HMGA2: variants seen among roughly 807,000 people sequenced by gnomAD.
HMGA2 encodes high mobility group protein HMGI-C.
In HMGA2, 8 loss-of-function variants were observed where a neutral mutation model predicts 19.1. The observed-to-expected ratio is 0.42, with a 90% CI of 0.25 to 0.76. The LOEUF is 0.76. HMGA2 is among the 30% of genes least tolerant of loss of function. The probability of loss-of-function intolerance (pLI) is 0.28; values close to 1 mark genes in which losing one functional copy is unlikely to be tolerated. For missense variants in HMGA2, 109 were observed against 136.3 expected (o/e 0.80, Z 1.00); for synonymous variants, 60 against 48.8 (o/e 1.23, Z -0.96).
At chr12:65,942,234 A>G (rs2121293828) in intron 3 of HMGA2, among the ~76,000 whole-genome samples, 1 of 152,330 alleles carries the variant, frequency 6.6e-6, no homozygotes, top group East Asian at 1.9e-4. Context: ...GCATCTGTGC[A>G]TACATGTTTG....
chr12:65,906,601 C>G (rs760151524), intron 3 of HMGA2, among the ~76,000 whole-genome samples: 1 of 152,068 alleles, frequency 6.6e-6, no homozygotes, highest in Non-Finnish European at 1.5e-5. Context: ...CATTTAGAAT[C>G]CGGGTGGTGA....
chr12:65,888,753 C>G (rs557041311), intron 3 of HMGA2, among the ~76,000 whole-genome samples: 1 of 151,052 alleles, frequency 6.6e-6, no homozygotes, highest in African/African-American at 2.4e-5. Context: ...TTAGTAGAGA[C>G]GGGGTTTCAC....
intron 3 of HMGA2, chr12:65,874,041 T>G (rs1164892326): frequency 6.6e-6 from 1 of 152,232 alleles, no homozygotes; most frequent in Non-Finnish European, 1.5e-5. Context: ...GATAAACATC[T>G]GCTGAATGAG....
intron 3 of HMGA2, among the ~76,000 whole-genome samples, chr12:65,888,646 C>T (rs1220393860): frequency 4.0e-5 from 5 of 125,040 alleles, no homozygotes; most frequent in African/African-American, 6.0e-5. Context: ...TCACTGCAAG[C>T]TCCGCCTCCC....
chr12:65,839,863 G>T lies in HMGA2; in HGVS notation c.249+1294G>T, dbSNP rs571044771. ...GGAAAGCTCTGCACATTAGAAAATT[G>T]TTCCATCTGACTACCTGTAACTTCC... On this transcript the variant is annotated intron_variant, in intron 3 of 4. Transcript: ENST00000403681. 2.8e-4 allele frequency among the ~76,000 whole-genome samples: 42 copies of T among 152,232 alleles called. 1 individual carries two copies. Among genetic ancestry groups the T allele is most frequent in the African/African-American group, 9.9e-4 (41 of 41,558 alleles).
intron 3 of HMGA2, among the ~76,000 whole-genome samples, chr12:65,863,874 G>A (rs748670145): frequency 5.9e-5 from 9 of 152,214 alleles, no homozygotes; most frequent in South Asian, 2.1e-4. Flanking sequence ...CTTTGGCTAA[G>A]CGATTTTAGT....
chr12:65,864,480 T>C (rs923333321), intron 3 of HMGA2, among the ~76,000 whole-genome samples: 3 of 152,226 alleles, frequency 2.0e-5, no homozygotes, highest in Admixed American at 6.5e-5. Context: ...TCCCCTGTTA[T>C]GTTACTCACT....
At chr12:65,867,485 T>G in intron 3 of HMGA2, 1 of 455,404 alleles carries the variant, frequency 2.2e-6, no homozygotes, top group Admixed American at 2.3e-5. Flanking sequence ...TTATTATGTT[T>G]AAGCTACAGA....
intron 3 of HMGA2, among the ~76,000 whole-genome samples, chr12:65,876,573 G>T (rs961117673): frequency 2.0e-5 from 3 of 152,112 alleles, no homozygotes; most frequent in Non-Finnish European, 4.4e-5. Flanking sequence ...TAATTTGGTT[G>T]TTCTCCATTT....
At chr12:65,841,544 G>A (rs1046962237) in intron 3 of HMGA2, among the ~76,000 whole-genome samples, 2 of 152,176 alleles carry the variant, frequency 1.3e-5, no homozygotes, top group African/African-American at 4.8e-5. Flanking sequence ...GAAAGCTTGT[G>A]CTGAAGAAAT....
chr12:65,964,475 G>T lies in HMGA2; in HGVS notation c.*1183G>T. The stretch of plus-strand genomic sequence containing the variant: ...ATGGTTGACCAAGGTGCTTTTCTTC[G>T]GCTTGAGTTCACCATCTCTTCATTC... On this transcript the variant is annotated 3_prime_UTR_variant, in exon 5 of 5. Coordinates refer to ENST00000403681, the MANE Select transcript of HMGA2 (RefSeq NM_003483.6). 1 of 219,284 alleles carries T rather than the reference G, an allele frequency of 4.6e-6. No individual in the cohort carries two copies. Among genetic ancestry groups the T allele is most frequent in the Admixed American group, 5.8e-5 (1 of 17,270 alleles). 13.6% of individuals were successfully genotyped at this position (219,284 alleles called of 1,614,324 possible). A position where few individuals can be genotyped will look rare whatever the true frequency, so the allele number is the denominator to read the frequency against.
chr12:65,855,876 G>A (rs959393733), intron 3 of HMGA2: 3 of 151,508 alleles, frequency 2.0e-5, no homozygotes, highest in Non-Finnish European at 4.4e-5. Flanking sequence ...GGCATACAAA[G>A]AGCTGTTTTT....
At chr12:65,875,805 G>A (rs1170348855) in intron 3 of HMGA2, among the ~76,000 whole-genome samples, 1 of 151,534 alleles carries the variant, frequency 6.6e-6, no homozygotes, top group African/African-American at 2.4e-5. Context: ...CTTTCTGTGA[G>A]TTTGAACTAC....
chr12:65,958,082 G>C (rs1308092959), intron 4 of HMGA2: 1 of 151,746 alleles, frequency 6.6e-6, no homozygotes, highest in East Asian at 1.9e-4. Context: ...TCATTACTGG[G>C]CTGACACGGT....
intron 3 of HMGA2, among the ~76,000 whole-genome samples, chr12:65,922,808 A>G (rs879553180): frequency 9.2e-5 from 14 of 152,168 alleles, no homozygotes; most frequent in Non-Finnish European, 1.2e-4. Flanking sequence ...AGATAATTGA[A>G]TCATGGGGGC....
chr12:65,952,327 C>G, intron 4 of HMGA2: 3 of 1,516,206 alleles, frequency 2.0e-6, no homozygotes, highest in Non-Finnish European at 2.7e-6. Flanking sequence ...GAAGTCTTTA[C>G]AAATCTACCT....
intron 3 of HMGA2, chr12:65,867,080 A>AATCTT: frequency 2.6e-6 from 1 of 381,586 alleles, no homozygotes; most frequent in South Asian, 2.0e-5. Flanking sequence ...AAATGGCAAG[A>AATCTT]GGTACATGAG....
chr12:65,927,608 T>C (rs1308686727), intron 3 of HMGA2, among the ~76,000 whole-genome samples: 1 of 152,164 alleles, frequency 6.6e-6, no homozygotes, highest in Non-Finnish European at 1.5e-5. Flanking sequence ...ACCTAGCAAG[T>C]TCCAGAGACT....
intron 3 of HMGA2, among the ~76,000 whole-genome samples, chr12:65,898,587 A>G (rs974919746): frequency 6.6e-6 from 1 of 152,214 alleles, no homozygotes; most frequent in Non-Finnish European, 1.5e-5. Flanking sequence ...ATATGGTTAT[A>G]GTACATATTC....
Sources: allele counts gnomAD v4.1 joint callset (sites outside exome capture counted in the v4.1 genomes callset), GRCh38; gene constraint gnomAD v4.1.1; transcripts MANE v1.5; gene names NCBI Gene and HGNC (gene_info 2026-07-23, HGNC 2026-07-21).